Variants in RYR2 observed in about 807,000 individuals in gnomAD.
RYR2 encodes the protein cardiac muscle ryanodine receptor-calcium release channel.
Under a neutral mutation model 601.1 loss-of-function variants are expected in RYR2, and 227 were observed. The ratio of observed to expected loss-of-function variants is 0.38; its 90% CI spans 0.34 to 0.42. RYR2 has a LOEUF of 0.42. RYR2 is among the 10% of genes least tolerant of loss of function. The probability of loss-of-function intolerance (pLI) is 1.00; values close to 1 mark genes in which losing one functional copy is unlikely to be tolerated. For synonymous variants in RYR2, 2,223 were observed against 2,175.1 expected (o/e 1.02, Z -0.61); for missense variants, 4,646 against 6,156.5 (o/e 0.75, Z 8.21).
intron 10 of RYR2, among the ~76,000 whole-genome samples, chr1:237,394,489 A>T (rs923519275): frequency 6.6e-6 from 1 of 152,212 alleles, no homozygotes; most frequent in African/African-American, 2.4e-5. Flanking sequence ...TGTTACTAGG[A>T]AGAGACTCCT....
At position 237,784,137 on chromosome 1, in the gene RYR2, C is replaced by T. The variant is rs765312361; in HGVS notation, c.12425C>T (p.Ala4142Val). ...FLGRIEIMGS[A>V]KRIERVYFEI... ...GGCCGCATCGAAATCATGGGAAGCG[C>T]CAAACGCATCGAGAGGGTCTATTTT... Residue 4142 changes from alanine (A) to valine (V), a missense_variant, in exon 90 of 105, where the codon GCC (alanine) becomes GTC (valine). Physicochemically the swap from Ala to Val is moderately conservative, Grantham distance 64. Around this residue, in one of 17 missense-constraint regions of RYR2, gnomAD observed 70 missense variants for 164.6 expected, o/e 0.43. Coordinates refer to ENST00000366574, the MANE Select transcript of RYR2 (RefSeq NM_001035.3). The surrounding 1 kb of genome is among the most constrained non-coding windows in gnomAD (Gnocchi z 7.1). 1 of 1,613,982 alleles carries T rather than the reference C, an allele frequency of 6.2e-7. No homozygotes were observed. Among genetic ancestry groups the T allele is most frequent in the Non-Finnish European group, 8.5e-7 (1 of 1,179,894 alleles).
intron 13 of RYR2, among the ~76,000 whole-genome samples, chr1:237,441,906 G>A (rs896613477): frequency 2.0e-5 from 3 of 152,208 alleles, no homozygotes; most frequent in South Asian, 4.1e-4. Context: ...AGAAAGGAAA[G>A]GAAGAGTTAA....
chr1:237,272,745 A>G (rs962029679), intron 2 of RYR2, among the ~76,000 whole-genome samples: 9 of 151,944 alleles, frequency 5.9e-5, no homozygotes, highest in Non-Finnish European at 7.4e-5. Context: ...AATTAAAAAA[A>G]TAAGAGACAC....
At chr1:237,442,169 G>T (rs1323348487) in intron 13 of RYR2, among the ~76,000 whole-genome samples, 1 of 152,164 alleles carries the variant, frequency 6.6e-6, no homozygotes, top group Non-Finnish European at 1.5e-5. Flanking sequence ...GGTGAGCTGG[G>T]TTAGCATTCT....
At chr1:237,495,047 C>A (rs891032014) in intron 19 of RYR2, among the ~76,000 whole-genome samples, 1 of 152,116 alleles carries the variant, frequency 6.6e-6, no homozygotes, top group Non-Finnish European at 1.5e-5. Context: ...CCTTAGCCTC[C>A]CAAAGTGCTG....
intron 27 of RYR2, among the ~76,000 whole-genome samples, chr1:237,556,704 C>T (rs929768588): frequency 6.6e-6 from 1 of 151,748 alleles, no homozygotes. Flanking sequence ...ATGTAGCTCT[C>T]AGTGTAGACA....
intron 35 of RYR2, among the ~76,000 whole-genome samples, chr1:237,602,780 C>T (rs1205572232): frequency 2.0e-5 from 3 of 152,162 alleles, no homozygotes; most frequent in Non-Finnish European, 4.4e-5. Flanking sequence ...GCATCTATTA[C>T]ATAGACAAGG....
chr1:237,469,988 C>A (rs1415619971), intron 17 of RYR2, among the ~76,000 whole-genome samples: 2 of 152,216 alleles, frequency 1.3e-5, no homozygotes, highest in African/African-American at 4.8e-5. Context: ...CTAGCTCACA[C>A]ATAATTGACC....
chr1:237,717,475 T>C (rs1395439853), intron 72 of RYR2, 107 bp downstream of exon 72: 7 of 969,510 alleles, frequency 7.2e-6, no homozygotes, highest in South Asian at 2.4e-5. Context: ...TTGCATTACA[T>C]GTTTTATTAA....
At chr1:237,807,540 T>TGGG (rs1434278626) in intron 99 of RYR2, among the ~76,000 whole-genome samples, 1 of 152,074 alleles carries the variant, frequency 6.6e-6, no homozygotes, top group Non-Finnish European at 1.5e-5. Context: ...TTAGTAGAGA[T>TGGG]GGGGTTTCAC....
chr1:237,414,204 G>A (rs1187057491), intron 10 of RYR2, among the ~76,000 whole-genome samples: 2 of 146,200 alleles, frequency 1.4e-5, no homozygotes, highest in African/African-American at 5.4e-5. Flanking sequence ...ACACACAGAC[G>A]TGCACAATGT....
chr1:237,377,334 T>G lies in RYR2; in HGVS notation c.475T>G (p.Trp159Gly), dbSNP rs1434292885. ...CCGTATATCTGCAGGGGAGGCTTGT[T>G]GGTGGACCATACACCCTGCCTCTAA... ...LQEDTTGEAC[W>G]WTIHPASKQR... The change falls in exon 8 of 105, where the codon TGG becomes GGG. Residue 159 changes from tryptophan to glycine, a missense_variant. Physicochemically the swap from Trp to Gly is radical, Grantham distance 184. Around this residue, in one of 17 missense-constraint regions of RYR2, gnomAD observed 153 missense variants for 203.6 expected, o/e 0.75. Coordinates refer to ENST00000366574, the MANE Select transcript of RYR2 (RefSeq NM_001035.3). 6.2e-7 allele frequency: 1 copy of G among 1,612,162 alleles called. No individual in the cohort carries two copies. Among genetic ancestry groups the G allele is most frequent in the Non-Finnish European group, 8.5e-7 (1 of 1,178,854 alleles).
intron 17 of RYR2, among the ~76,000 whole-genome samples, chr1:237,473,477 C>CTTTCTTTCTTCTTCTT (rs1553464755): frequency 2.1e-5 from 3 of 145,534 alleles, no homozygotes; most frequent in Admixed American, 7.0e-5. Context: ...ATCTATCTAT[C>CTTTCTTTCTTCTTCTT]TGGCATATAT....
intron 31 of RYR2, 62 bp from the exon 32 acceptor site, chr1:237,591,677 C>A: frequency 7.5e-7 from 1 of 1,337,360 alleles, no homozygotes; most frequent in East Asian, 2.4e-5. Flanking sequence ...ATTATATGCT[C>A]ATATTTGAAG....
chr1:237,500,284 T>A (rs141946182), intron 20 of RYR2, among the ~76,000 whole-genome samples: 1 of 152,248 alleles, frequency 6.6e-6, no homozygotes, highest in African/African-American at 2.4e-5. Context: ...CTAAACAAGG[T>A]GATGGTACTT....
chr1:237,588,977 C>G (rs1041381971), intron 29 of RYR2, among the ~76,000 whole-genome samples: 14 of 152,006 alleles, frequency 9.2e-5, no homozygotes, highest in African/African-American at 3.4e-4. Context: ...AAACAATTAA[C>G]AAAGTTAGTA....
rs1280842021 is a variant in RYR2, at chr1:237,493,167, T to C, written c.1961+80T>C. Reference sequence around the variant, plus strand: ...TTCTTGCCCTGTAGCTGATACTATATGGTCTGTTTTTTAAATTAGACCATA... The same window carrying C: ...TTCTTGCCCTGTAGCTGATACTATACGGTCTGTTTTTTAAATTAGACCATA... On this transcript the variant is annotated intron_variant, in intron 19 of 104. Transcript: ENST00000366574. The C allele has an allele frequency of 6.6e-6, 10 of 1,504,814 alleles. No homozygotes were observed. The East Asian group carries it at 2.3e-4, about 34-fold the overall frequency. 93.2% of individuals were successfully genotyped at this position (1,504,814 alleles called of 1,614,324 possible).
chr1:237,045,775 CTTT>C (rs35311700), intron 1 of RYR2, among the ~76,000 whole-genome samples: 1 of 128,334 alleles, frequency 7.8e-6, no homozygotes, highest in Non-Finnish European at 1.6e-5. Context: ...TTATGGTCCT[CTTT>C]TTTTTTTTTT....
chr1:237,498,406 A>G (rs1664292768), intron 20 of RYR2, among the ~76,000 whole-genome samples: 1 of 152,104 alleles, frequency 6.6e-6, no homozygotes, highest in Admixed American at 6.5e-5. Flanking sequence ...AAGACCTATT[A>G]AACACAAAAT....
Sources: gnomAD v4.1 joint callset for allele counts (sites outside exome capture counted in the v4.1 genomes callset) on GRCh38, gnomAD v4.1.1 for gene constraint, gnomAD v4.1.1 regional missense constraint, Gnocchi (gnomAD v3.1) non-coding constraint, MANE v1.5 for transcripts, NCBI Gene and HGNC (gene_info 2026-07-23, HGNC 2026-07-21) for gene names.